The following ARHGEF15 variants were observed in gnomAD, a reference collection of about 807,000 sequenced individuals.
The protein encoded by ARHGEF15 is Rho guanine nucleotide exchange factor (GEF) 15.
Under a neutral mutation model 79.7 loss-of-function variants are expected in ARHGEF15, and 58 were observed. That is an observed-to-expected ratio of 0.73 (90% CI 0.59 to 0.91). The LOEUF is 0.91. Ranked by LOEUF, ARHGEF15 falls within the 40% of genes least tolerant of loss-of-function variation. The pLI is 0.00. For missense variants in ARHGEF15, 1,012 were observed against 1,108.1 expected, an observed-to-expected ratio of 0.91 and a Z score of 1.23; for synonymous variants, 442 against 456.0, an observed-to-expected ratio of 0.97 and a Z score of 0.39.
chr17:8,315,978 C>G lies in ARHGEF15; in HGVS notation c.1575-41C>G. ...CCGAGGCCACAGCAGGTTGGGGCAC[C>G]AGGGCCTCCAGGCAGCCGCTAGCCA... On this transcript the variant is annotated intron_variant, in intron 8 of 15. Coordinates refer to ENST00000361926, the MANE Select transcript of ARHGEF15 (RefSeq NM_173728.4). This position sits in a 1 kb window ranked among gnomAD's most constrained non-coding sequence, Gnocchi z 4.3. 6.3e-7 allele frequency: 1 copy of G among 1,598,496 alleles called. No homozygotes were observed. The highest frequency in any genetic ancestry group is 8.5e-7 in the Non-Finnish European group (1 of 1,177,126).
chr17:8,318,331 C>T lies in ARHGEF15; in HGVS notation c.1705-56C>T. On this transcript the variant is annotated intron_variant, in intron 9 of 15. Transcript: ENST00000361926. The surrounding 1 kb of genome is among the most constrained non-coding windows in gnomAD (Gnocchi z 5.0). ...CAGGGTCCTCTGAGCTGTGGCCCCTCTGAATCCCAGGGCCACAGAGCAGGG... is the reference window on the plus strand; with the variant it reads ...CAGGGTCCTCTGAGCTGTGGCCCCTTTGAATCCCAGGGCCACAGAGCAGGG... 6.5e-7 allele frequency: 1 copy of T among 1,548,290 alleles called. No individual in the cohort carries two copies. Among genetic ancestry groups the T allele is most frequent in the Non-Finnish European group, 8.8e-7 (1 of 1,133,440 alleles).
rs369292842 is a variant in ARHGEF15, at chr17:8,313,015, A to T, written c.695A>T (p.Glu232Val). 1 of 1,612,804 alleles carries T rather than the reference A, an allele frequency of 6.2e-7. No homozygotes were observed. The highest frequency in any genetic ancestry group is 8.5e-7 in the Non-Finnish European group (1 of 1,179,492). The change falls in exon 3 of 16, where the codon GAG becomes GTG. Residue 232 changes from glutamate to valine, a missense_variant. Around this residue, in one of 3 missense-constraint regions of ARHGEF15, gnomAD observed 818 missense variants for 882.5 expected, o/e 0.93. Transcript: ENST00000361926. ...AGATGGGTGCCTGTGGGGGGCTATG[A>T]GGAGGTCCCCAGGGTCCCCCGTCGG... is the stretch of plus-strand genomic sequence containing the variant. ...ELRWVPVGGY[E>V]EVPRVPRRAS...
In ARHGEF15 at chr17:8,312,181, C is replaced by T. The variant is rs938835951; in HGVS notation, c.142C>T (p.Arg48Ter). 19 of 1,610,206 alleles carry T rather than the reference C, an allele frequency of 1.2e-5. No individual in the cohort carries two copies. Among genetic ancestry groups the T allele is most frequent in the Non-Finnish European group, 1.4e-5 (17 of 1,178,288 alleles). Reference protein sequence around the residue: ...HNGSSPQELPRNSNDAPTPMC... With the variant: ...HNGSSPQELP ...TGGCTCCTCTCCACAAGAACTACCC[C>T]GAAACTCCAATGATGCACCAACCCC... The change falls in exon 2 of 16, where the codon CGA (arginine) becomes TGA (stop). Residue 48 changes from arginine (R) to a stop codon, truncating the protein, a stop_gained. Coordinates refer to ENST00000361926, the MANE Select transcript of ARHGEF15 (RefSeq NM_173728.4). LOFTEE classifies it high-confidence loss of function.
intron 2 of ARHGEF15, 125 bp from the exon 3 acceptor site, chr17:8,312,794 TGGA>T (rs758324428): frequency 1.3e-6 from 2 of 1,564,688 alleles, no homozygotes; most frequent in East Asian, 2.2e-5. Context: ...GGAGTCAGGG[TGGA>T]GGAGATCTAT....
intron 4 of ARHGEF15, 157 bp from the exon 5 acceptor site, chr17:8,314,749 A>AG: frequency 1.4e-6 from 1 of 722,308 alleles, no homozygotes; most frequent in Non-Finnish European, 2.0e-6. Context: ...CTTCAAAAAA[A>AG]AAAAAAAAAA....
chr17:8,316,989 G>C (rs1472011659), intron 9 of ARHGEF15, among the ~76,000 whole-genome samples: 1 of 152,058 alleles, frequency 6.6e-6, no homozygotes, highest in Non-Finnish European at 1.5e-5. Flanking sequence ...CACCATGTTG[G>C]CCAGGCTGCT....
In ARHGEF15 at chr17:8,313,088, C is replaced by G. The variant is rs1217153535; in HGVS notation, c.768C>G (p.Ile256Met). 10 of 1,611,238 alleles carry G rather than the reference C, an allele frequency of 6.2e-6. No individual in the cohort carries two copies. The Admixed American group carries it at 1.5e-4, about 24-fold the overall frequency. ...GCTCCCGCCCCCACCCTCCAAGCAT[C>G]GGTCACCCTGCCGTTGTCCTCACAT... ...TSRSRPHPPS[I>M]GHPAVVLTSY... Residue 256 changes from isoleucine to methionine, a missense_variant, in exon 3 of 16, where the codon ATC becomes ATG. Around this residue, in one of 3 missense-constraint regions of ARHGEF15, gnomAD observed 818 missense variants for 882.5 expected, o/e 0.93. Coordinates refer to ENST00000361926, the MANE Select transcript of ARHGEF15 (RefSeq NM_173728.4).
intron 1 of ARHGEF15, among the ~76,000 whole-genome samples, chr17:8,310,555 G>A (rs1435729266): frequency 6.6e-6 from 1 of 152,160 alleles, no homozygotes; most frequent in East Asian, 1.9e-4. Context: ...GCCAGGCTCT[G>A]TGCCATTGCC....
chr17:8,312,980 C>G lies in ARHGEF15; in HGVS notation c.660C>G (p.Gly220=). ...GTGTCTGCCACACCACCCGGCCTGG[C>G]CTGGAGCTCAGATGGGTGCCTGTGG... ...CPCVCHTTRP[G]LELRWVPVGG... is the part of the protein sequence containing the mutation. Residue 220 remains glycine, a synonymous_variant, in exon 3 of 16, where the codon GGC becomes GGG. Transcript: ENST00000361926. 2 of 1,604,976 alleles carry G rather than the reference C, an allele frequency of 1.2e-6. No individual in the cohort carries two copies. Among genetic ancestry groups the G allele is most frequent in the Non-Finnish European group, 1.7e-6 (2 of 1,174,722 alleles).
At chr17:8,314,742 C>CAAAA (rs77491661) in intron 4 of ARHGEF15, 164 bp from the exon 5 acceptor site, 226 of 299,924 alleles carry the variant, frequency 7.5e-4, no homozygotes, top group East Asian at 1.6e-3. Context: ...CTTTCCCCTT[C>CAAAA]AAAAAAAAAA....
intron 9 of ARHGEF15, among the ~76,000 whole-genome samples, chr17:8,316,603 T>C (rs1905042929): frequency 6.6e-6 from 1 of 152,256 alleles, no homozygotes; most frequent in Admixed American, 6.5e-5. Flanking sequence ...TAATCTTAGT[T>C]ATTCCAACAG....
In ARHGEF15 at chr17:8,316,105, T is replaced by C; in HGVS notation, c.1661T>C (p.Leu554Pro). Residue 554 changes from leucine to proline, a missense_variant, in exon 9 of 16, where the codon CTA becomes CCA. Physicochemically the swap from Leu to Pro is moderately conservative, Grantham distance 98. Transcript: ENST00000361926. ...CERLPLPSFL[L>P]LPFQRITRLR... ...CGGCTCCCGCTGCCGTCCTTCCTGC[T>C]ACTGCCCTTCCAGCGCATCACCCGG... 1 of 1,603,740 alleles carries C rather than the reference T, an allele frequency of 6.2e-7. No individual in the cohort carries two copies. Among genetic ancestry groups the C allele is most frequent in the East Asian group, 2.2e-5 (1 of 44,794 alleles).
At chr17:8,312,879 T>G in intron 2 of ARHGEF15, 43 bp from the exon 3 acceptor site, 1 of 1,566,246 alleles carries the variant, frequency 6.4e-7, no homozygotes, top group Non-Finnish European at 8.6e-7. Flanking sequence ...GGGGTGGAGC[T>G]GGGCCCCAAG....
In ARHGEF15 at chr17:8,315,207, A is replaced by G; in HGVS notation, c.1190A>G (p.Gln397Arg). 1 of 1,613,876 alleles carries G rather than the reference A, an allele frequency of 6.2e-7. No individual in the cohort carries two copies. The highest frequency in any genetic ancestry group is 8.5e-7 in the Non-Finnish European group (1 of 1,179,946). Residue 397 changes from glutamine (Q) to arginine (R), a missense_variant, in exon 6 of 16, where the codon CAG becomes CGG. Physicochemically the swap from Gln to Arg is conservative, Grantham distance 43. Transcript: ENST00000361926. The surrounding 1 kb of genome is among the most constrained non-coding windows in gnomAD (Gnocchi z 4.3). ...RPPGPRNTLW[Q>R]ELPAVQASGL... ...CCTGGACCTCGCAACACCCTGTGGC[A>G]GGAGCTTCCGGCTGTGCAAGCCAGC...
In ARHGEF15 at chr17:8,321,221, T is replaced by C. The variant is rs1300874737; in HGVS notation, c.*228T>C. 5 of 589,438 alleles carry C rather than the reference T, an allele frequency of 8.5e-6. No homozygotes were observed. Among genetic ancestry groups the C allele is most frequent in the Non-Finnish European group, 1.5e-5 (5 of 341,454 alleles). The allele number at this position is 589,438 out of a possible 1,614,324, so 36.5% of individuals were successfully genotyped here. On this transcript the variant is annotated 3_prime_UTR_variant, in exon 16 of 16. Transcript: ENST00000361926. ...TGTGTGGCCAATGGAGACAGAGGCTTAGTGCAGAGCAGCCAATGGGTACTG... is the reference window on the plus strand; with the variant it reads ...TGTGTGGCCAATGGAGACAGAGGCTCAGTGCAGAGCAGCCAATGGGTACTG...
Position 8,312,614 on chromosome 17 carries a change from G to T in ARHGEF15, c.575G>T (p.Ser192Ile), listed in dbSNP as rs200099841. 1.3e-5 allele frequency: 21 copies of T among 1,613,222 alleles called. No homozygotes were observed. The highest frequency in any genetic ancestry group is 2.7e-5 in the African/African-American group (2 of 74,914). ...NGEREAPLTG[S>I]GSQENGAPDA... is the part of the protein sequence containing the mutation. ...GAGAGAGAAGCTCCCCTCACCGGGA[G>T]TGGGTCCCAGGAGAACGGTGCTCCA... The change falls in exon 2 of 16, where the codon AGT (serine) becomes ATT (isoleucine). Residue 192 changes from serine (S) to isoleucine (I), a missense_variant. Physicochemically the swap from Ser to Ile is moderately radical, Grantham distance 142. Transcript: ENST00000361926.
At position 8,312,065 on chromosome 17, in the gene ARHGEF15, C is replaced by T; in HGVS notation, c.26C>T (p.Ala9Val). 1 of 1,580,990 alleles carries T rather than the reference C, an allele frequency of 6.3e-7. No individual in the cohort carries two copies. Among genetic ancestry groups the T allele is most frequent in the Non-Finnish European group, 8.6e-7 (1 of 1,164,628 alleles). Residue 9 changes from alanine to valine, a missense_variant, in exon 2 of 16, where the codon GCA (alanine) becomes GTA (valine). Around this residue, in one of 3 missense-constraint regions of ARHGEF15, gnomAD observed 818 missense variants for 882.5 expected, o/e 0.93. Transcript: ENST00000361926. ...ATGTCAGCCCAGTCCCTTCCTGCAGCAACACCCCCCACGCAGAAGCCCCCT... is the reference window on the plus strand; with the variant it reads ...ATGTCAGCCCAGTCCCTTCCTGCAGTAACACCCCCCACGCAGAAGCCCCCT... MSAQSLPA[A>V]TPPTQKPPRI...
intron 9 of ARHGEF15, among the ~76,000 whole-genome samples, chr17:8,317,078 C>T (rs751727853): frequency 2.6e-5 from 4 of 152,026 alleles, no homozygotes; most frequent in East Asian, 3.9e-4. Flanking sequence ...CCACTGCACC[C>T]GGCCTAAGAC....
At chr17:8,314,235 C>A (rs1904858336) in intron 4 of ARHGEF15, among the ~76,000 whole-genome samples, 1 of 152,186 alleles carries the variant, frequency 6.6e-6, no homozygotes, top group Non-Finnish European at 1.5e-5. Context: ...ATTTGGCAAT[C>A]ATGACCATCT....
Sources: gnomAD v4.1 joint callset for allele counts (sites outside exome capture counted in the v4.1 genomes callset) on GRCh38, gnomAD v4.1.1 for gene constraint, gnomAD v4.1.1 regional missense constraint, Gnocchi (gnomAD v3.1) non-coding constraint, MANE v1.5 for transcripts, NCBI Gene and HGNC (gene_info 2026-07-23, HGNC 2026-07-21) for gene names.